OGT: variants seen among roughly 807,000 people sequenced by gnomAD.
OGT encodes UDP-N-acetylglucosamine--peptide N-acetylglucosaminyltransferase 110 kDa subunit.
Under a neutral mutation model 75.8 loss-of-function variants are expected in OGT, and 3 were observed. The ratio of observed to expected loss-of-function variants is 0.04; its 90% CI spans 0.02 to 0.10. The LOEUF (loss-of-function observed/expected upper bound fraction) is 0.10. OGT is among the 10% of genes least tolerant of loss of function. The pLI, the probability that OGT is intolerant of heterozygous loss-of-function variation, is 1.00. For synonymous variants in OGT, 257 were observed against 289.7 expected, an observed-to-expected ratio of 0.89 and a Z score of 1.15; for missense variants, 260 against 824.4, an observed-to-expected ratio of 0.32 and a Z score of 8.38.
Position 71,573,899 on chromosome X carries a change from C to T in OGT, c.*105C>T. ...TACTTGTCTGTACAGTACCTTGTTG[C>T]AGATGGGTGATATATAATGGTAATA... On this transcript the variant is annotated 3_prime_UTR_variant, in exon 22 of 22. Transcript: ENST00000373719. 1.8e-6 allele frequency: 1 copy of T among 564,429 alleles called. No individual in the cohort carries two copies. Among genetic ancestry groups the T allele is most frequent in the Non-Finnish European group, 2.7e-6 (1 of 377,317 alleles). The allele number at this position is 564,429 out of a possible 1,213,427, so 46.5% of individuals were successfully genotyped here.
chrX:71,569,547 G>C (rs1349385319), intron 21 of OGT, among the ~76,000 whole-genome samples: 1 of 110,180 alleles, frequency 9.1e-6, no homozygotes, highest in African/African-American at 3.3e-5. Flanking sequence ...TTGGAATGCA[G>C]TGGGGTGATC....
intron 3 of OGT, 107 bp downstream of exon 3, chrX:71,538,179 G>A (rs2040193201): frequency 1.2e-6 from 1 of 860,953 alleles, no homozygotes; most frequent in African/African-American, 2.0e-5. Context: ...AAAGTCAAAA[G>A]TTTAGAAATG....
intron 14 of OGT, among the ~76,000 whole-genome samples, chrX:71,560,274 T>TC (rs1556072542): frequency 1.6e-5 from 1 of 64,239 alleles, no homozygotes; most frequent in Non-Finnish European, 2.7e-5. Context: ...AGACTCTGTC[T>TC]CAAAAAAAAA....
At chrX:71,550,268 A>G (rs749564799) in intron 5 of OGT, among the ~76,000 whole-genome samples, 22 of 112,753 alleles carry the variant, frequency 2.0e-4, no homozygotes, top group Admixed American at 1.9e-4. Flanking sequence ...TTTTGATGAT[A>G]GCTATACTAA....
At chrX:71,541,741 A>T (rs748715416) in intron 3 of OGT, among the ~76,000 whole-genome samples, 1 of 110,527 alleles carries the variant, frequency 9.0e-6, no homozygotes, top group South Asian at 3.9e-4. Context: ...TTTGAGAGGC[A>T]ATTGAGAATT....
In OGT at chrX:71,574,018, G is replaced by A. The variant is rs116114207; in HGVS notation, c.*224G>A. The A allele has an allele frequency of 3.4e-3, 987 of 287,763 alleles. 10 individuals carry two copies. Among genetic ancestry groups the A allele is most frequent in the African/African-American group, 0.025 (935 of 36,914 alleles). 23.7% of individuals were successfully genotyped at this position (287,763 alleles called of 1,213,427 possible). On this transcript the variant is annotated 3_prime_UTR_variant, in exon 22 of 22. Coordinates refer to ENST00000373719, the MANE Select transcript of OGT (RefSeq NM_181672.3). Reference sequence around the variant, plus strand: ...ACAAGGAATCTCCGTAGAATTTTGCGGCGACCAGATGGTGCATAGGTCTGG... The same window carrying A: ...ACAAGGAATCTCCGTAGAATTTTGCAGCGACCAGATGGTGCATAGGTCTGG...
At chrX:71,569,578 C>G (rs865790874) in intron 21 of OGT, among the ~76,000 whole-genome samples, 18 of 110,418 alleles carry the variant, frequency 1.6e-4, no homozygotes, top group African/African-American at 5.3e-4. Flanking sequence ...GCAGCCTCCA[C>G]GTCCTGGGCT....
In OGT at chrX:71,557,510, A is replaced by G. The variant is rs760593400; in HGVS notation, c.1440A>G (p.Thr480=). ...AHCLQIVCDW[T]DYDERMKKLV... ...TTCTCTAGATTGTCTGTGATTGGAC[A>G]GACTATGATGAGCGAATGAAGAAGT... Residue 480 remains threonine, a synonymous_variant, in exon 12 of 22, where the codon ACA becomes ACG. Coordinates refer to ENST00000373719, the MANE Select transcript of OGT (RefSeq NM_181672.3). 1.8e-5 allele frequency: 22 copies of G among 1,205,128 alleles called. No homozygotes were observed. The highest frequency in any genetic ancestry group is 2.5e-5 in the Non-Finnish European group (22 of 893,828).
At chrX:71,541,166 G>A (rs2040215913) in intron 3 of OGT, among the ~76,000 whole-genome samples, 1 of 112,033 alleles carries the variant, frequency 8.9e-6, no homozygotes, top group African/African-American at 3.2e-5. Context: ...ATAGGTTGTT[G>A]AATTGTTGCT....
At chrX:71,559,903 T>C (rs780934897) in intron 14 of OGT, among the ~76,000 whole-genome samples, 1 of 111,834 alleles carries the variant, frequency 8.9e-6, no homozygotes, top group African/African-American at 3.2e-5. Context: ...ACAACTTTTC[T>C]GGAGATTGAG....
At chrX:71,549,183 C>G (rs895781739) in intron 5 of OGT, among the ~76,000 whole-genome samples, 3 of 105,432 alleles carry the variant, frequency 2.8e-5, no homozygotes, top group Non-Finnish European at 5.8e-5. Flanking sequence ...GTAGTCCCAG[C>G]CATTTGTAGG....
chrX:71,572,039 G>A (rs2040462581), intron 21 of OGT, among the ~76,000 whole-genome samples: 1 of 111,165 alleles, frequency 9.0e-6, no homozygotes, highest in African/African-American at 3.3e-5. Flanking sequence ...AAAGTGCTGG[G>A]ATTACAGGTG....
rs1273619856 is a variant in OGT, at chrX:71,536,997, T to C, written c.218+639T>C. The stretch of plus-strand genomic sequence containing the variant: ...TTTTTTTTTTTTTTGAGACGGAGTT[T>C]CGCTCTTGTTGCCTAGGCTGGAGTG... On this transcript the variant is annotated intron_variant, in intron 2 of 21. Transcript: ENST00000373719. The C allele has an allele frequency of 5.5e-4, 101 of 183,385 alleles. 1 individual carries two copies. Among genetic ancestry groups the C allele is most frequent in the African/African-American group, 3.5e-3 (98 of 28,056 alleles). 15.1% of individuals were successfully genotyped at this position (183,385 alleles called of 1,213,427 possible).
chrX:71,552,148 G>A (rs1472426276), intron 5 of OGT, among the ~76,000 whole-genome samples: 2 of 109,170 alleles, frequency 1.8e-5, no homozygotes, highest in Non-Finnish European at 1.9e-5. Flanking sequence ...CCTGAACCCG[G>A]GAGGAGGAGG....
chrX:71,546,317 GT>G, intron 4 of OGT: 1 of 753,574 alleles, frequency 1.3e-6, no homozygotes, highest in Non-Finnish European at 1.6e-6. Context: ...CTTGTTTTTG[GT>G]TTTTCACCAT....
At chrX:71,548,817 A>T (rs1190032092) in intron 5 of OGT, among the ~76,000 whole-genome samples, 1 of 111,065 alleles carries the variant, frequency 9.0e-6, no homozygotes, top group African/African-American at 3.3e-5. Flanking sequence ...TATGTTCACT[A>T]CCTGAGTGAC....
chrX:71,573,526 A>AT lies in OGT; in HGVS notation c.2967-88dup, dbSNP rs1056952592. The stretch of plus-strand genomic sequence containing the variant: ...GAGATAGCGTAGAGTTTGGTCATGC[A>AT]TTTTTTGCCACAAATGCGACTAGGT... On this transcript the variant is annotated intron_variant, in intron 21 of 21. Coordinates refer to ENST00000373719, the MANE Select transcript of OGT (RefSeq NM_181672.3). 4 of 778,674 alleles carry AT rather than the reference A, an allele frequency of 5.1e-6. No individual in the cohort carries two copies. In the East Asian group the frequency reaches 1.3e-4, roughly 26 times the overall value. 64.2% of individuals were successfully genotyped at this position (778,674 alleles called of 1,213,427 possible). A position where few individuals can be genotyped will look rare whatever the true frequency, so the allele number is the denominator to read the frequency against.
rs1157639278 is a variant in OGT, at chrX:71,574,729, A to G, written c.*935A>G. ...TGCTTCCAAAAGTGATAGTGTGTGT[A>G]AGATTTTTACCTTCCTTTCTAAAGT... On this transcript the variant is annotated 3_prime_UTR_variant, in exon 22 of 22. Coordinates refer to ENST00000373719, the MANE Select transcript of OGT (RefSeq NM_181672.3). 1 of 104,690 alleles carries G rather than the reference A, an allele frequency of 9.6e-6. No individual in the cohort carries two copies. Among genetic ancestry groups the G allele is most frequent in the East Asian group, 3.0e-4 (1 of 3,288 alleles). 8.6% of individuals were successfully genotyped at this position (104,690 alleles called of 1,213,427 possible). A position where few individuals can be genotyped will look rare whatever the true frequency, so the allele number is the denominator to read the frequency against.
intron 5 of OGT, among the ~76,000 whole-genome samples, chrX:71,549,931 A>G (rs952126513): frequency 8.9e-6 from 1 of 112,024 alleles, no homozygotes; most frequent in Admixed American, 9.5e-5. Flanking sequence ...CTTTGCATCA[A>G]AAGGACTCAG....
Sources: allele counts gnomAD v4.1 joint callset (sites outside exome capture counted in the v4.1 genomes callset), GRCh38; gene constraint gnomAD v4.1.1; transcripts MANE v1.5; gene names NCBI Gene and HGNC (gene_info 2026-07-23, HGNC 2026-07-21).